ANKRD30A: variants seen among roughly 807,000 people sequenced by gnomAD.
ANKRD30A encodes the protein ankyrin repeat domain 30A.
Under a neutral mutation model 166.3 loss-of-function variants are expected in ANKRD30A, and 170 were observed. The ratio of observed to expected loss-of-function variants is 1.02; its 90% CI spans 0.90 to 1.16. The LOEUF (loss-of-function observed/expected upper bound fraction) is 1.16, where lower values mean the gene tolerates loss of function less well. ANKRD30A is among the 50% of genes most tolerant of loss of function. ANKRD30A has a pLI of 0.00. For synonymous variants in ANKRD30A, 564 were observed against 508.9 expected, an observed-to-expected ratio of 1.11 and a Z score of -1.46; for missense variants, 1,630 against 1,518.0, an observed-to-expected ratio of 1.07 and a Z score of -1.23.
intron 27 of ANKRD30A, among the ~76,000 whole-genome samples, chr10:37,195,878 G>T (rs1841044822): frequency 6.6e-6 from 1 of 152,164 alleles, no homozygotes; most frequent in Non-Finnish European, 1.5e-5. Context: ...CAGTTGGATA[G>T]AAGGTCAAGA....
At chr10:37,255,572 A>G in the ANKRD30A span, among the ~76,000 whole-genome samples, 2 of 152,218 alleles carry the variant, frequency 1.3e-5, no homozygotes, top group African/African-American at 4.8e-5. Context: ...CATCACAACT[A>G]TGTATTTCCA....
At chr10:37,238,007 A>C in the ANKRD30A span, among the ~76,000 whole-genome samples, 1 of 152,228 alleles carries the variant, frequency 6.6e-6, no homozygotes, top group Non-Finnish European at 1.5e-5. Flanking sequence ...TTTATACTTG[A>C]AAATATGCAT....
At chr10:37,196,776 A>G (rs1422333804) in intron 27 of ANKRD30A, among the ~76,000 whole-genome samples, 1 of 152,122 alleles carries the variant, frequency 6.6e-6, no homozygotes, top group Admixed American at 6.5e-5. Flanking sequence ...ATGGTTATGG[A>G]AAAAAATGAA....
intron 34 of ANKRD30A, among the ~76,000 whole-genome samples, chr10:37,229,723 A>G (rs1467638571): frequency 3.3e-5 from 5 of 152,044 alleles, no homozygotes; most frequent in Admixed American, 6.6e-5. Context: ...AAACAAATAT[A>G]CAATAATTAT....
At chr10:37,179,314 TG>T (rs1457456856) in intron 24 of ANKRD30A, among the ~76,000 whole-genome samples, 1 of 150,922 alleles carries the variant, frequency 6.6e-6, no homozygotes, top group Non-Finnish European at 1.5e-5. Flanking sequence ...ACGTAGAAAA[TG>T]TTATTAATAT....
downstream of ANKRD30A, among the ~76,000 whole-genome samples, chr10:37,233,733 G>T (rs1367984194): frequency 6.6e-6 from 1 of 152,094 alleles, no homozygotes; most frequent in Non-Finnish European, 1.5e-5. Flanking sequence ...ACAGAAAGAA[G>T]ATGCCTACTA....
intron 31 of ANKRD30A, among the ~76,000 whole-genome samples, chr10:37,212,427 A>G (rs954521520): frequency 7.9e-5 from 12 of 152,020 alleles, no homozygotes; most frequent in Non-Finnish European, 1.3e-4. Flanking sequence ...TCAATGTCGT[A>G]AAAATGGCCA....
chr10:37,136,255 A>C (rs1836677322), intron 5 of ANKRD30A, among the ~76,000 whole-genome samples: 1 of 152,222 alleles, frequency 6.6e-6, no homozygotes, highest in South Asian at 2.1e-4. Flanking sequence ...CATTTTTAGA[A>C]GACATTGAGC....
At position 37,137,582 on chromosome 10, in the gene ANKRD30A, G is replaced by A. The variant is rs967928431; in HGVS notation, c.820+911G>A. ...ACGGCACACCAGGAGATTATATCCC[G>A]AGCATGGCTCAGAGGGTCCTACCCC... On this transcript the variant is annotated intron_variant, in intron 6 of 35. Coordinates refer to ENST00000361713, the MANE Select transcript of ANKRD30A (RefSeq NM_052997.3). Among the ~76,000 whole-genome samples, 6 of 152,234 alleles carry A rather than the reference G, an allele frequency of 3.9e-5. 1 individual carries two copies. Among genetic ancestry groups the A allele is most frequent in the East Asian group, 3.9e-4 (2 of 5,162 alleles).
chr10:37,205,622 G>A (rs1012218339), intron 31 of ANKRD30A, among the ~76,000 whole-genome samples: 11 of 151,988 alleles, frequency 7.2e-5, no homozygotes, highest in Middle Eastern at 3.4e-3. Context: ...ATTTCCACCC[G>A]TACTTACACG....
rs114325078 is a variant in ANKRD30A, at chr10:37,215,148, T to C, written c.2870-1033T>C. Among the ~76,000 whole-genome samples the C allele has an allele frequency of 5.2e-3, 783 of 151,692 alleles. 11 individuals carry two copies. Among genetic ancestry groups the C allele is most frequent in the African/African-American group, 0.018 (734 of 41,486 alleles). ...TAGAGTTGAGTTACTTATAAACAGC[T>C]TGATCTTTTTCATTTTTGCTTTTTA... is the stretch of plus-strand genomic sequence containing the variant. On this transcript the variant is annotated intron_variant, in intron 31 of 35. Transcript: ENST00000361713.
chr10:37,244,140 C>T, the ANKRD30A span, among the ~76,000 whole-genome samples: 1 of 152,184 alleles, frequency 6.6e-6, no homozygotes, highest in African/African-American at 2.4e-5. Context: ...AGGAGCTTCT[C>T]CTGGCAGTTT....
chr10:37,127,218 T>C (rs920783256), intron 1 of ANKRD30A, among the ~76,000 whole-genome samples: 1 of 152,078 alleles, frequency 6.6e-6, no homozygotes, highest in Non-Finnish European at 1.5e-5. Context: ...AGGAAAAGAA[T>C]TAGTTTCCTA....
chr10:37,225,540 T>C (rs1280845910), intron 34 of ANKRD30A, among the ~76,000 whole-genome samples: 3 of 151,876 alleles, frequency 2.0e-5, no homozygotes, highest in African/African-American at 4.8e-5. Flanking sequence ...ACTTTTTAAC[T>C]AGTTTGAGGA....
chr10:37,160,214 C>G (rs961749293), intron 15 of ANKRD30A, among the ~76,000 whole-genome samples: 46 of 152,216 alleles, frequency 3.0e-4, no homozygotes, highest in African/African-American at 1.1e-3. Flanking sequence ...TATCACAGAG[C>G]TTTTACTGAA....
chr10:37,215,717 A>G lies in ANKRD30A; in HGVS notation c.2870-464A>G, dbSNP rs186300903. On this transcript the variant is annotated intron_variant, in intron 31 of 35. Transcript: ENST00000361713. ...TATTTTGTGTGTTTTCTTTTTAGTT[A>G]TTTTAGCTAAGAAGAAAAATCAATA... is the stretch of plus-strand genomic sequence containing the variant. Among the ~76,000 whole-genome samples the G allele has an allele frequency of 5.3e-5, 8 of 151,398 alleles. 1 individual carries two copies. In the East Asian group the frequency reaches 1.6e-3, roughly 30 times the overall value.
chr10:37,214,259 T>C (rs1842490916), intron 31 of ANKRD30A, among the ~76,000 whole-genome samples: 1 of 151,678 alleles, frequency 6.6e-6, no homozygotes, highest in Non-Finnish European at 1.5e-5. Context: ...TAGTGTGGTA[T>C]ATGTTGTTTC....
intron 34 of ANKRD30A, among the ~76,000 whole-genome samples, chr10:37,227,336 T>C (rs912635856): frequency 4.6e-5 from 7 of 151,982 alleles, no homozygotes; most frequent in African/African-American, 1.7e-4. Context: ...CTCCAACTTT[T>C]TTCTTTTGCA....
intron 5 of ANKRD30A, among the ~76,000 whole-genome samples, chr10:37,134,845 T>C (rs1836583400): frequency 6.6e-6 from 1 of 152,234 alleles, no homozygotes; most frequent in Non-Finnish European, 1.5e-5. Flanking sequence ...TTTAAAACTG[T>C]AAGTCAGGTT....
Sources: gnomAD v4.1 joint callset for allele counts (sites outside exome capture counted in the v4.1 genomes callset) on GRCh38, gnomAD v4.1.1 for gene constraint, MANE v1.5 for transcripts, NCBI Gene and HGNC (gene_info 2026-07-23, HGNC 2026-07-21) for gene names.